The following TBC1D32 variants were observed in gnomAD, a reference collection of about 807,000 sequenced individuals.
The protein encoded by TBC1D32 is protein broad-minded.
Under a neutral mutation model 170.3 loss-of-function variants are expected in TBC1D32, and 151 were observed. That is an observed-to-expected ratio of 0.89 (90% CI 0.78 to 1.01). The LOEUF (loss-of-function observed/expected upper bound fraction) is 1.01, where lower values mean the gene tolerates loss of function less well. TBC1D32 is among the 50% of genes least tolerant of loss of function. The pLI, the probability that TBC1D32 is intolerant of heterozygous loss-of-function variation, is 0.00. For synonymous variants in TBC1D32, 498 were observed against 488.0 expected (o/e 1.02, Z -0.27); for missense variants, 1,464 against 1,457.1 (o/e 1.00, Z -0.08).
At chr6:121,112,699 A>T in intron 28 of TBC1D32, 40 bp from the exon 29 acceptor site, 1 of 1,433,266 alleles carries the variant, frequency 7.0e-7, no homozygotes, top group Non-Finnish European at 9.3e-7. Flanking sequence ...ATATTTTGTA[A>T]GATAAAATAT....
chr6:121,220,639 T>C (rs974110302), intron 21 of TBC1D32, among the ~76,000 whole-genome samples: 1 of 135,598 alleles, frequency 7.4e-6, no homozygotes, highest in African/African-American at 3.1e-5. Context: ...TTTTTCTTTT[T>C]CTTTTTTTTT....
chr6:121,301,455 C>T (rs867255253), intron 9 of TBC1D32, among the ~76,000 whole-genome samples: 3 of 152,110 alleles, frequency 2.0e-5, no homozygotes, highest in Non-Finnish European at 4.4e-5. Context: ...CCAAACACAG[C>T]GTGTTCTCAC....
chr6:121,334,590 C>G (rs1811655530), upstream of TBC1D32: 2 of 804,062 alleles, frequency 2.5e-6, no homozygotes, highest in East Asian at 5.4e-5. Flanking sequence ...GCTGCCAGTG[C>G]GTCATTTCGG....
At position 121,093,313 on chromosome 6, in the gene TBC1D32, C is replaced by T. The variant is rs186501424; in HGVS notation, c.3466-2272G>A. Among the ~76,000 whole-genome samples, 300 of 152,184 alleles carry T rather than the reference C, an allele frequency of 2.0e-3. 3 individuals are homozygous for T. The Middle Eastern group carries it at 0.037, about 19-fold the overall frequency. Reference sequence around the variant, plus strand: ...GGAAGAAGTATCTCCTGCTCCCTCTCGACTAGGCAGACTGAAGCAGTCAGT... The same window carrying T: ...GGAAGAAGTATCTCCTGCTCCCTCTTGACTAGGCAGACTGAAGCAGTCAGT... On this transcript the variant is annotated intron_variant, in intron 30 of 31. Transcript: ENST00000398212.
rs75914832 is a variant in TBC1D32, at chr6:121,133,677, T to C, written c.2774-1925A>G. 9.5e-3 allele frequency among the ~76,000 whole-genome samples: 1,440 copies of C among 152,170 alleles called. 10 individuals carry two copies. The highest frequency in any genetic ancestry group is 0.016 in the Non-Finnish European group (1,086 of 67,912). ...ATACCAAAGCTACATACATACTCTCTCATACAAACACATGAATACACAGAT... is the reference window on the plus strand; with the variant it reads ...ATACCAAAGCTACATACATACTCTCCCATACAAACACATGAATACACAGAT... On this transcript the variant is annotated intron_variant, in intron 24 of 31. Coordinates refer to ENST00000398212, the MANE Select transcript of TBC1D32 (RefSeq NM_152730.6).
At chr6:121,083,193 A>G (rs1297137906) in intron 31 of TBC1D32, among the ~76,000 whole-genome samples, 1 of 152,054 alleles carries the variant, frequency 6.6e-6, no homozygotes, top group Non-Finnish European at 1.5e-5. Flanking sequence ...CAAACTCTAT[A>G]TAAAATATAA....
chr6:121,332,445 T>A (rs1359445396), intron 1 of TBC1D32, among the ~76,000 whole-genome samples: 1 of 151,832 alleles, frequency 6.6e-6, no homozygotes, highest in Non-Finnish European at 1.5e-5. Flanking sequence ...AAGATACAAA[T>A]AAAAACAAAA....
intron 22 of TBC1D32, among the ~76,000 whole-genome samples, chr6:121,168,833 A>G (rs1354147052): frequency 6.6e-6 from 1 of 152,070 alleles, no homozygotes; most frequent in Non-Finnish European, 1.5e-5. Context: ...CACAAAAAGA[A>G]TAAAATACCT....
chr6:121,197,074 T>C (rs1167189552), intron 22 of TBC1D32, among the ~76,000 whole-genome samples: 2 of 152,164 alleles, frequency 1.3e-5, no homozygotes, highest in Admixed American at 6.5e-5. Flanking sequence ...GGGTTTCTCC[T>C]ACATTTAAGT....
chr6:121,311,604 C>G (rs540198335), intron 3 of TBC1D32, among the ~76,000 whole-genome samples: 39 of 151,816 alleles, frequency 2.6e-4, no homozygotes, highest in African/African-American at 8.9e-4. Context: ...GGCACGTGCC[C>G]GTACTCCCAG....
At chr6:121,279,284 T>C in intron 14 of TBC1D32, 39 bp from the exon 15 acceptor site, 1 of 1,591,810 alleles carries the variant, frequency 6.3e-7, no homozygotes, top group Non-Finnish European at 8.5e-7. Context: ...TCACATAATT[T>C]TATGACATGC....
At chr6:121,324,032 T>C (rs1810123430) in intron 1 of TBC1D32, among the ~76,000 whole-genome samples, 1 of 152,174 alleles carries the variant, frequency 6.6e-6, no homozygotes, top group Non-Finnish European at 1.5e-5. Flanking sequence ...TACCATATGA[T>C]AGGTAAAATA....
chr6:121,246,519 G>T (rs1178769595), intron 17 of TBC1D32, among the ~76,000 whole-genome samples: 1 of 151,932 alleles, frequency 6.6e-6, no homozygotes, highest in Non-Finnish European at 1.5e-5. Context: ...CCCAGCAATG[G>T]ATCCAAACCA....
intron 21 of TBC1D32, among the ~76,000 whole-genome samples, chr6:121,215,473 G>A (rs970329478): frequency 2.0e-5 from 3 of 152,164 alleles, no homozygotes; most frequent in East Asian, 1.9e-4. Context: ...TGACAAAGAC[G>A]CCAAAACCAA....
intron 24 of TBC1D32, among the ~76,000 whole-genome samples, chr6:121,156,640 T>G (rs58824951): frequency 0.012 from 1,892 of 152,208 alleles, 38 homozygotes; most frequent in African/African-American, 0.043. Context: ...AACCTCTTGA[T>G]GAAAGCCATA....
intron 22 of TBC1D32, among the ~76,000 whole-genome samples, chr6:121,192,152 G>C (rs551327897): frequency 6.6e-6 from 1 of 151,076 alleles, no homozygotes; most frequent in Admixed American, 6.7e-5. Flanking sequence ...GGTTCTAAAG[G>C]AATAGAATAT....
chr6:121,214,703 CTTCTCTCT>C (rs1415928506), intron 21 of TBC1D32, among the ~76,000 whole-genome samples: 1 of 152,202 alleles, frequency 6.6e-6, no homozygotes, highest in Non-Finnish European at 1.5e-5. Context: ...GGCTAAAGCT[CTTCTCTCT>C]TTCTCTCTTC....
chr6:121,263,220 C>CAA (rs749040201), intron 15 of TBC1D32, among the ~76,000 whole-genome samples: 1,528 of 128,098 alleles, frequency 0.012, 21 homozygotes, highest in East Asian at 0.078. Flanking sequence ...GCTCAAAAAA[C>CAA]AAAACAAAAA....
intron 19 of TBC1D32, among the ~76,000 whole-genome samples, chr6:121,240,054 A>T (rs1045228793): frequency 3.9e-5 from 6 of 152,174 alleles, no homozygotes; most frequent in African/African-American, 1.4e-4. Context: ...TAATGATGCC[A>T]TAATCCAAGG....
Sources: gnomAD v4.1 joint callset for allele counts (sites outside exome capture counted in the v4.1 genomes callset) on GRCh38, gnomAD v4.1.1 for gene constraint, MANE v1.5 for transcripts, NCBI Gene and HGNC (gene_info 2026-07-23, HGNC 2026-07-21) for gene names.